The following TUSC3 variants were observed in gnomAD, a reference collection of about 807,000 sequenced individuals.
The protein encoded by TUSC3 is tumor suppressor candidate 3.
A neutral mutation model predicts 44.8 loss-of-function variants in TUSC3; 45 were observed. The observed-to-expected ratio is 1.00, with a 90% confidence interval of 0.79 to 1.29. The LOEUF is 1.29. Ranked by LOEUF, TUSC3 falls within the 50% of genes most tolerant of loss-of-function variation. The pLI is 0.00. For synonymous variants in TUSC3, 212 were observed against 152.9 expected, an observed-to-expected ratio of 1.39 and a Z score of -2.85; for missense variants, 519 against 437.9, an observed-to-expected ratio of 1.19 and a Z score of -1.65.
intron 5 of TUSC3, among the ~76,000 whole-genome samples, chr8:15,665,700 G>A (rs1807625484): frequency 1.3e-5 from 2 of 151,148 alleles, no homozygotes; most frequent in Admixed American, 6.6e-5. Flanking sequence ...TAAATTTGCA[G>A]TATATTGCAA....
At chr8:15,706,879 T>A (rs1213991254) in intron 6 of TUSC3, among the ~76,000 whole-genome samples, 1 of 151,936 alleles carries the variant, frequency 6.6e-6, no homozygotes, top group African/African-American at 2.4e-5. Context: ...CTTTTAAATT[T>A]GGGAAGTTAA....
chr8:15,714,331 C>T (rs190746703), intron 6 of TUSC3, among the ~76,000 whole-genome samples: 95 of 151,914 alleles, frequency 6.3e-4, no homozygotes, highest in Non-Finnish European at 2.6e-4. Flanking sequence ...TTTTTGAACC[C>T]CAATTTTGTT....
At chr8:15,562,708 T>G (rs1802522457) in intron 1 of TUSC3, among the ~76,000 whole-genome samples, 1 of 152,150 alleles carries the variant, frequency 6.6e-6, no homozygotes, top group Admixed American at 6.5e-5. Context: ...TTCTTCCTGC[T>G]TGTGTTGCTC....
At chr8:15,520,829 A>G (rs1470989369) in intron 2 of TUSC3, among the ~76,000 whole-genome samples, 1 of 152,246 alleles carries the variant, frequency 6.6e-6, no homozygotes, top group East Asian at 1.9e-4. Context: ...GGGGATGCAG[A>G]AATGAGTAAA....
chr8:15,622,016 C>G (rs150401454), intron 1 of TUSC3, among the ~76,000 whole-genome samples: 1 of 152,248 alleles, frequency 6.6e-6, no homozygotes, highest in African/African-American at 2.4e-5. Flanking sequence ...CTTCCCTTCT[C>G]TCTTCTTGAT....
In TUSC3 at chr8:15,517,342, C is replaced by G. The variant is rs150247329; in HGVS notation, n.189+33859C>G. 2.3e-3 allele frequency among the ~76,000 whole-genome samples: 350 copies of G among 152,118 alleles called. 2 individuals are homozygous for G. Among genetic ancestry groups the G allele is most frequent in the African/African-American group, 8.0e-3 (333 of 41,472 alleles). Reference sequence around the variant, plus strand: ...GTGCTCTATTCTTCGTACCTCATCACGCTGAATTACACCCCGATCTTTGCT... The same window carrying G: ...GTGCTCTATTCTTCGTACCTCATCAGGCTGAATTACACCCCGATCTTTGCT... On this transcript the variant is annotated intron_variant and non_coding_transcript_variant, in intron 2 of 5. Coordinates refer to the TUSC3 transcript ENST00000503191.
At chr8:15,576,055 T>A (rs1274055327) in intron 1 of TUSC3, among the ~76,000 whole-genome samples, 1 of 151,842 alleles carries the variant, frequency 6.6e-6, no homozygotes, top group African/African-American at 2.4e-5. Context: ...TATGATGAAA[T>A]TTCTTAATTT....
chr8:15,712,965 A>C (rs951231169), intron 6 of TUSC3, among the ~76,000 whole-genome samples: 1 of 152,100 alleles, frequency 6.6e-6, no homozygotes, highest in Non-Finnish European at 1.5e-5. Context: ...GTCACCAGTT[A>C]TTTCCATGCT....
chr8:15,783,634 CTT>C, the TUSC3 span, among the ~76,000 whole-genome samples: 1 of 152,126 alleles, frequency 6.6e-6, no homozygotes, highest in East Asian at 1.9e-4. Flanking sequence ...AAAGGACAAT[CTT>C]TTTAATAAAT....
chr8:15,618,041 A>T (rs1393408187), intron 1 of TUSC3, among the ~76,000 whole-genome samples: 1 of 152,162 alleles, frequency 6.6e-6, no homozygotes, highest in Non-Finnish European at 1.5e-5. Context: ...CTAAATTTAG[A>T]AATGGTACAG....
chr8:15,653,758 A>G (rs1200356281), intron 3 of TUSC3, among the ~76,000 whole-genome samples: 1 of 152,236 alleles, frequency 6.6e-6, no homozygotes, highest in African/African-American at 2.4e-5. Flanking sequence ...GAGAAACACT[A>G]AAAGGTTTTT....
downstream of TUSC3, chr8:15,766,682 G>A (rs557945759): frequency 1.3e-5 from 2 of 151,964 alleles, no homozygotes; most frequent in African/African-American, 2.4e-5. Context: ...TTTTACACAC[G>A]AAGTAACATC....
At position 15,764,655 on chromosome 8, in the gene TUSC3, G is replaced by A. The variant is rs1321556219; in HGVS notation, c.*499G>A. ...TACTTCAGTTTCAGTTATAAAGGAC[G>A]TGCACTGTTACGAATAGTGTTTTGT... On this transcript the variant is annotated 3_prime_UTR_variant, in exon 11 of 11. Transcript: ENST00000503731. 10 of 177,188 alleles carry A rather than the reference G, an allele frequency of 5.6e-5. No individual in the cohort carries two copies. The East Asian group carries it at 1.2e-3, about 21-fold the overall frequency. 11.0% of individuals were successfully genotyped at this position (177,188 alleles called of 1,614,324 possible).
chr8:15,728,377 C>T (rs1053146039), intron 6 of TUSC3, among the ~76,000 whole-genome samples: 4 of 136,898 alleles, frequency 2.9e-5, no homozygotes, highest in Non-Finnish European at 1.5e-5. Context: ...TTCCTGGTAG[C>T]GGTGAAAAGT....
intron 2 of TUSC3, among the ~76,000 whole-genome samples, chr8:15,636,672 T>C (rs1420032291): frequency 6.6e-6 from 1 of 152,218 alleles, no homozygotes; most frequent in Non-Finnish European, 1.5e-5. Context: ...TGCTGAACAT[T>C]TGCAGTGCAG....
At chr8:15,570,200 T>G (rs1026418884) in intron 1 of TUSC3, among the ~76,000 whole-genome samples, 3 of 151,878 alleles carry the variant, frequency 2.0e-5, no homozygotes, top group African/African-American at 7.3e-5. Flanking sequence ...TGCAGAGTAA[T>G]TTATTTCACA....
At chr8:15,608,437 C>G (rs957874123) in intron 1 of TUSC3, among the ~76,000 whole-genome samples, 1 of 152,130 alleles carries the variant, frequency 6.6e-6, no homozygotes, top group Admixed American at 6.6e-5. Flanking sequence ...AGCCTAGAAT[C>G]TTATCTCTAA....
chr8:15,439,582 A>C (rs1799994704), intron 1 of TUSC3, among the ~76,000 whole-genome samples: 1 of 152,188 alleles, frequency 6.6e-6, no homozygotes, highest in South Asian at 2.1e-4. Context: ...ACAAAAACAG[A>C]AAAACATGAA....
At chr8:15,741,890 A>G (rs1811214841) in intron 7 of TUSC3, among the ~76,000 whole-genome samples, 1 of 152,166 alleles carries the variant, frequency 6.6e-6, no homozygotes. Flanking sequence ...CTGCTCTAGA[A>G]AACTGAGTTT....
Sources: gnomAD v4.1 joint callset for allele counts (sites outside exome capture counted in the v4.1 genomes callset) on GRCh38, gnomAD v4.1.1 for gene constraint, MANE v1.5 for transcripts, NCBI Gene and HGNC (gene_info 2026-07-23, HGNC 2026-07-21) for gene names.